NUP153: variants seen among roughly 807,000 people sequenced by gnomAD.
NUP153 encodes the protein nuclear pore complex protein Nup153.
NUP153 carries 27 observed loss-of-function variants against 134.6 expected under a neutral mutation model. That is an observed-to-expected ratio of 0.20 (90% confidence interval 0.15 to 0.28). The LOEUF (loss-of-function observed/expected upper bound fraction) is 0.28. NUP153 is among the 10% of genes least tolerant of loss of function. The probability of loss-of-function intolerance (pLI) is 1.00; values close to 1 mark genes in which losing one functional copy is unlikely to be tolerated. For synonymous variants in NUP153, 640 were observed against 623.5 expected (o/e 1.03, Z -0.40); for missense variants, 1,821 against 1,731.3 (o/e 1.05, Z -0.92).
intron 1 of NUP153, among the ~76,000 whole-genome samples, chr6:17,697,790 C>T (rs1769760022): frequency 6.6e-6 from 1 of 151,870 alleles, no homozygotes; most frequent in South Asian, 2.1e-4. Context: ...ATAACACTAA[C>T]TCAGAAACAG....
chr6:17,705,137 G>A lies in NUP153; in HGVS notation c.111+1140C>T, dbSNP rs531819941. Among the ~76,000 whole-genome samples, 3 of 152,314 alleles carry A rather than the reference G, an allele frequency of 2.0e-5. No homozygotes were observed. The East Asian group carries it at 5.8e-4, about 29-fold the overall frequency. On this transcript the variant is annotated intron_variant, in intron 1 of 21. Transcript: ENST00000262077. ...ATGTGAAAGTGTGTAATCTTTATTA[G>A]CATCCAGAATAAAGTAATCTAGGAA...
At chr6:17,660,972 T>TAGA (rs1767141217) in intron 11 of NUP153, among the ~76,000 whole-genome samples, 1 of 152,080 alleles carries the variant, frequency 6.6e-6, no homozygotes, top group Admixed American at 6.6e-5. Context: ...TTAAAAAACT[T>TAGA]ACAGTTACCT....
intron 20 of NUP153, among the ~76,000 whole-genome samples, chr6:17,617,465 TAAAA>T (rs71002233): frequency 9.5e-6 from 1 of 105,776 alleles, no homozygotes. Context: ...TAGTGGGAAT[TAAAA>T]AAAAAAAAAA....
rs183117329 is a variant in NUP153, at chr6:17,625,278, T to G, written c.3902-445A>C. 2.0e-4 allele frequency among the ~76,000 whole-genome samples: 31 copies of G among 152,312 alleles called. No homozygotes were observed. Among genetic ancestry groups the G allele is most frequent in the Admixed American group, 7.8e-4 (12 of 15,294 alleles). ...GGGGCCAGGCACAGTGGCTCACACC[T>G]GTAATCTCAGCACTTTGAAAGGCCG... On this transcript the variant is annotated intron_variant, in intron 19 of 21. Transcript: ENST00000262077. This position sits in a 1 kb window ranked among gnomAD's most constrained non-coding sequence, Gnocchi z 4.7.
In NUP153 at chr6:17,615,784, T is replaced by C; in HGVS notation, c.*313A>G. On this transcript the variant is annotated 3_prime_UTR_variant, in exon 22 of 22. Transcript: ENST00000262077. This position sits in a 1 kb window ranked among gnomAD's most constrained non-coding sequence, Gnocchi z 5.7. Reference sequence around the variant, plus strand: ...CATAATGGTGTAGACAAAGAGGTTCTATACAAAGCCATTCACCGTGCAGGC... The same window carrying C: ...CATAATGGTGTAGACAAAGAGGTTCCATACAAAGCCATTCACCGTGCAGGC... 1 of 262,584 alleles carries C rather than the reference T, an allele frequency of 3.8e-6. No individual in the cohort carries two copies. The highest frequency in any genetic ancestry group is 7.9e-5 in the South Asian group (1 of 12,722). The allele number at this position is 262,584 out of a possible 1,614,324, so 16.3% of individuals were successfully genotyped here. A position where few individuals can be genotyped will look rare whatever the true frequency, so the allele number is the denominator to read the frequency against.
intron 14 of NUP153, among the ~76,000 whole-genome samples, chr6:17,641,592 G>A (rs1042468723): frequency 2.6e-5 from 4 of 151,756 alleles, no homozygotes; most frequent in African/African-American, 2.4e-5. Context: ...GGTGGCTCAC[G>A]CCTGTAATCC....
At chr6:17,681,543 C>T (rs1245076906) in intron 2 of NUP153, among the ~76,000 whole-genome samples, 1 of 152,138 alleles carries the variant, frequency 6.6e-6, no homozygotes, top group East Asian at 1.9e-4. Context: ...GATCATGCCA[C>T]TGTACTCCAG....
intron 16 of NUP153, among the ~76,000 whole-genome samples, chr6:17,636,308 C>G (rs1440540538): frequency 6.7e-6 from 1 of 148,582 alleles, no homozygotes; most frequent in Non-Finnish European, 1.5e-5. Flanking sequence ...GCACTCCAGC[C>G]TGGGTGACAC....
At chr6:17,617,164 A>AGTGTACTATGTGTCAAGT (rs1561847024) in intron 20 of NUP153, among the ~76,000 whole-genome samples, 1 of 152,230 alleles carries the variant, frequency 6.6e-6, no homozygotes, top group Non-Finnish European at 1.5e-5. Flanking sequence ...ACTGACACAT[A>AGTGTACTATGTGTCAAGT]GTACATACTT....
intron 20 of NUP153, among the ~76,000 whole-genome samples, chr6:17,623,484 T>C (rs1764761638): frequency 1.3e-5 from 2 of 152,168 alleles, no homozygotes; most frequent in Admixed American, 1.3e-4. Context: ...GAAAAGTTTT[T>C]ATTATCTTCT....
chr6:17,628,609 G>GA lies in NUP153; in HGVS notation c.3544+45_3544+46insT, dbSNP rs1765064749. 2 of 587,258 alleles carry GA rather than the reference G, an allele frequency of 3.4e-6. No individual in the cohort carries two copies. The highest frequency in any genetic ancestry group is 4.2e-6 in the Non-Finnish European group (2 of 472,568). 36.4% of individuals were successfully genotyped at this position (587,258 alleles called of 1,614,324 possible). A position where few individuals can be genotyped will look rare whatever the true frequency, so the allele number is the denominator to read the frequency against. The stretch of plus-strand genomic sequence containing the variant: ...AAGGCAACTTGTAAAACGACAACTT[G>GA]TAAAAAAAAAAATAATAATAATAAT... On this transcript the variant is annotated intron_variant, in intron 18 of 21. Coordinates refer to ENST00000262077, the MANE Select transcript of NUP153 (RefSeq NM_005124.4). The surrounding 1 kb of genome is among the most constrained non-coding windows in gnomAD (Gnocchi z 5.4).
intron 16 of NUP153, among the ~76,000 whole-genome samples, chr6:17,634,403 A>G (rs1765412752): frequency 6.6e-6 from 1 of 151,924 alleles, no homozygotes; most frequent in South Asian, 2.1e-4. Context: ...CCAAATCCGT[A>G]TCTCCACCCA....
intron 9 of NUP153, 25 bp from the exon 10 acceptor site, chr6:17,662,095 T>C: frequency 6.2e-7 from 1 of 1,603,500 alleles, no homozygotes; most frequent in Non-Finnish European, 8.5e-7. Flanking sequence ...CACACATATT[T>C]ACGTTTGCTT....
At chr6:17,650,648 C>T (rs1445280491) in intron 11 of NUP153, among the ~76,000 whole-genome samples, 1 of 139,618 alleles carries the variant, frequency 7.2e-6, no homozygotes, top group East Asian at 2.1e-4. Flanking sequence ...AAAGAATCTA[C>T]TTCTATAAAA....
chr6:17,701,836 G>GC lies in NUP153; in HGVS notation c.111+4440_111+4441insG, dbSNP rs1254363723. On this transcript the variant is annotated intron_variant, in intron 1 of 21. Transcript: ENST00000262077. Reference sequence around the variant, plus strand: ...CAACAGAGCAAGACTCTGTCTCGGGGGGGGGGGGAAAAAAGCTAAATGCAG... The same window carrying GC: ...CAACAGAGCAAGACTCTGTCTCGGGGCGGGGGGGGAAAAAAGCTAAATGCAG... Among the ~76,000 whole-genome samples the GC allele has an allele frequency of 8.5e-5, 9 of 106,412 alleles. 1 individual carries two copies. Among genetic ancestry groups the GC allele is most frequent in the East Asian group, 5.0e-4 (2 of 4,012 alleles). 69.8% of individuals were successfully genotyped at this position (106,412 alleles called of 152,430 possible). A position where few individuals can be genotyped will look rare whatever the true frequency, so the allele number is the denominator to read the frequency against.
intron 2 of NUP153, among the ~76,000 whole-genome samples, chr6:17,676,666 G>A (rs1342462770): frequency 6.6e-6 from 1 of 152,080 alleles, no homozygotes; most frequent in African/African-American, 2.4e-5. Context: ...TGAAGCTACT[G>A]CTTTCAGACA....
At chr6:17,683,342 G>A (rs1768726143) in intron 2 of NUP153, among the ~76,000 whole-genome samples, 1 of 152,130 alleles carries the variant, frequency 6.6e-6, no homozygotes, top group South Asian at 2.1e-4. Context: ...CATATGAAAG[G>A]TATTTCTTAA....
chr6:17,639,372 C>A (rs989100282), intron 15 of NUP153, among the ~76,000 whole-genome samples: 2 of 152,072 alleles, frequency 1.3e-5, no homozygotes, highest in Admixed American at 1.3e-4. Context: ...AGCCACCGCG[C>A]CTGGCAAGTT....
intron 11 of NUP153, among the ~76,000 whole-genome samples, chr6:17,655,212 C>G (rs968246671): frequency 2.6e-5 from 4 of 152,164 alleles, no homozygotes; most frequent in African/African-American, 4.8e-5. Context: ...AATCCTTGCA[C>G]ATTTTAGAAT....
Sources: allele counts gnomAD v4.1 joint callset (sites outside exome capture counted in the v4.1 genomes callset), GRCh38; gene constraint gnomAD v4.1.1; non-coding constraint Gnocchi (gnomAD v3.1); transcripts MANE v1.5; gene names NCBI Gene and HGNC (gene_info 2026-07-23, HGNC 2026-07-21).